Variants in ATP8B3 observed in about 807,000 individuals in gnomAD.
ATP8B3 encodes the protein ATPase phospholipid transporting 8B3, also known as phospholipid-transporting ATPase IK.
In ATP8B3, 141 loss-of-function variants were observed where a neutral mutation model predicts 140.9. The ratio of observed to expected loss-of-function variants is 1.00; its 90% CI spans 0.87 to 1.15. The LOEUF (loss-of-function observed/expected upper bound fraction) is 1.15, where lower values mean the gene tolerates loss of function less well. Among genes scored for constraint, ATP8B3 ranks in the 50% most tolerant of loss-of-function variants. The probability of loss-of-function intolerance (pLI) is 0.00; values close to 1 mark genes in which losing one functional copy is unlikely to be tolerated. For synonymous variants in ATP8B3, 765 were observed against 714.6 expected, an observed-to-expected ratio of 1.07 and a Z score of -1.13; for missense variants, 1,874 against 1,740.6, an observed-to-expected ratio of 1.08 and a Z score of -1.36.
chr19:1,802,408 C>CA, intron 11 of ATP8B3, 79 bp downstream of exon 11: 5 of 256,618 alleles, frequency 1.9e-5, no homozygotes, highest in Admixed American at 5.4e-5. Flanking sequence ...CACCCACCTA[C>CA]CCACCCACCC....
In ATP8B3 at chr19:1,805,972, G is replaced by A. The variant is rs990784998; in HGVS notation, c.751-14C>T. 4 of 1,611,524 alleles carry A rather than the reference G, an allele frequency of 2.5e-6. No homozygotes were observed. Among genetic ancestry groups the A allele is most frequent in the African/African-American group, 1.3e-5 (1 of 74,838 alleles). The stretch of plus-strand genomic sequence containing the variant: ...GAGCATGTCGGCCTGGTGTGGAGTG[G>A]GGGGCAGCGTTGCAAGAGGGGATGC... On this transcript the variant is annotated splice_polypyrimidine_tract_variant and intron_variant, in intron 8 of 28. Coordinates refer to ENST00000310127, the MANE Select transcript of ATP8B3 (RefSeq NM_138813.4). This position sits in a 1 kb window ranked among gnomAD's most constrained non-coding sequence, Gnocchi z 5.2.
chr19:1,783,203 C>G lies in ATP8B3; in HGVS notation c.3728G>C (p.Arg1243Pro). 1 of 1,612,664 alleles carries G rather than the reference C, an allele frequency of 6.2e-7. No individual in the cohort carries two copies. Among genetic ancestry groups the G allele is most frequent in the Non-Finnish European group, 8.5e-7 (1 of 1,179,382 alleles). Residue 1243 changes from arginine to proline, a missense_variant, in exon 29 of 29, where the codon CGG becomes CCG. Arg to Pro is a moderately radical substitution (Grantham distance 103). Transcript: ENST00000310127. ...FTMEPLPHVHRESRARRSSYA... is the reference protein window; with the variant it reads ...FTMEPLPHVHPESRARRSSYA... ...GCTGGAACGGCGGGCACGAGACTCC[C>G]GGTGTACATGAGGCAAGGGCTCCAT...
intron 4 of ATP8B3, among the ~76,000 whole-genome samples, 170 bp downstream of exon 4, chr19:1,809,471 ACT>A (rs1385812369): frequency 2.0e-5 from 3 of 151,056 alleles, no homozygotes; most frequent in Admixed American, 1.3e-4. Context: ...ACAGAGGGAG[ACT>A]CTGTCTCAAA....
chr19:1,793,117 G>A (rs2068566771), intron 18 of ATP8B3, among the ~76,000 whole-genome samples: 1 of 148,790 alleles, frequency 6.7e-6, no homozygotes, highest in South Asian at 2.2e-4. Flanking sequence ...GGGGGATAGG[G>A]TCTCACTTTG....
At chr19:1,797,126 T>C in intron 14 of ATP8B3, 121 bp from the exon 15 acceptor site, 1 of 1,478,774 alleles carries the variant, frequency 6.8e-7, no homozygotes, top group East Asian at 2.4e-5. Flanking sequence ...AAGCCAGGCC[T>C]GTGGCCCTGG....
intron 4 of ATP8B3, 88 bp from the exon 5 acceptor site, chr19:1,808,423 G>T (rs1352710048): frequency 2.9e-5 from 26 of 889,076 alleles, no homozygotes; most frequent in Non-Finnish European, 4.4e-5. Flanking sequence ...GCCTCACTTG[G>T]CCTCGCCCAG....
chr19:1,790,877 T>G, intron 20 of ATP8B3, 45 bp from the exon 21 acceptor site: 1 of 1,290,440 alleles, frequency 7.7e-7, no homozygotes, highest in Middle Eastern at 2.1e-4. Flanking sequence ...CGCCCCGCAC[T>G]GGCTGCCTGG....
At position 1,789,921 on chromosome 19, in the gene ATP8B3, T is replaced by A; in HGVS notation, c.2447A>T (p.Lys816Met). 2 of 1,612,074 alleles carry A rather than the reference T, an allele frequency of 1.2e-6. No individual in the cohort carries two copies. Among genetic ancestry groups the A allele is most frequent in the Non-Finnish European group, 1.7e-6 (2 of 1,179,526 alleles). The change falls in exon 22 of 29, where the codon AAG becomes ATG. Residue 816 changes from lysine to methionine, a missense_variant. Around this residue, in one of 3 missense-constraint regions of ATP8B3, gnomAD observed 840 missense variants for 760.9 expected, o/e 1.10. Coordinates refer to ENST00000310127, the MANE Select transcript of ATP8B3 (RefSeq NM_138813.4). ...LLTRESLSQV[K>M]LALVINGDFL... The stretch of plus-strand genomic sequence containing the variant: ...GTCTCCGTTAATGACCAAGGCCAGC[T>A]TGACCTGCGACAGGGACTCCCTGGT...
intron 20 of ATP8B3, 77 bp downstream of exon 20, chr19:1,791,673 G>A (rs2068514540): frequency 4.4e-6 from 5 of 1,147,166 alleles, no homozygotes; most frequent in Non-Finnish European, 6.4e-6. Context: ...GATGACAGGT[G>A]TGAGCCTTCA....
rs181330695 is a variant in ATP8B3 at position 1,788,511 on chromosome 19, G to A, written c.3069+386C>T. On this transcript the variant is annotated intron_variant, in intron 24 of 28. Coordinates refer to ENST00000310127, the MANE Select transcript of ATP8B3 (RefSeq NM_138813.4). ...CTAAAAATACAAAAATTAGCCAGGC[G>A]TGATGGTACACGCCTGTAATCCCAG... Among the ~76,000 whole-genome samples, 111 of 152,222 alleles carry A rather than the reference G, an allele frequency of 7.3e-4. 3 individuals are homozygous for A. The South Asian group carries it at 0.021, about 29-fold the overall frequency.
In ATP8B3 at chr19:1,789,883, C is replaced by CA; in HGVS notation, c.2478+6dup. 1 of 1,610,906 alleles carries CA rather than the reference C, an allele frequency of 6.2e-7. No homozygotes were observed. Reference sequence around the variant, plus strand: ...GGACCCCGCCGTCCACCCTGAGCGACACTGACCAGGAAGTCTCCGTTAATG... The same window carrying CA: ...GGACCCCGCCGTCCACCCTGAGCGACAACTGACCAGGAAGTCTCCGTTAATG... On this transcript the variant is annotated splice_region_variant and intron_variant, in intron 22 of 28. Coordinates refer to ENST00000310127, the MANE Select transcript of ATP8B3 (RefSeq NM_138813.4).
intron 20 of ATP8B3, 80 bp from the exon 21 acceptor site, chr19:1,790,912 A>C (rs2068488225): frequency 8.0e-7 from 1 of 1,252,880 alleles, no homozygotes. Flanking sequence ...CTGCCCGGTG[A>C]ATCCTGGCCC....
At chr19:1,799,461 G>A (rs1447523243) in intron 14 of ATP8B3, 14 of 202,402 alleles carry the variant, frequency 6.9e-5, no homozygotes, top group African/African-American at 2.3e-4. Context: ...CTCCGTCTCA[G>A]AGAGAAAAAA....
In ATP8B3 at chr19:1,796,771, AG is replaced by A. The variant is rs1372083814; in HGVS notation, c.1692del (p.Trp565GlyfsTer10). 1 of 1,612,414 alleles carries A rather than the reference AG, an allele frequency of 6.2e-7. No individual in the cohort carries two copies. Among genetic ancestry groups the A allele is most frequent in the African/African-American group, 1.3e-5 (1 of 75,048 alleles). On this transcript the variant is annotated frameshift_variant, in exon 16 of 29. Coordinates refer to ENST00000310127, the MANE Select transcript of ATP8B3 (RefSeq NM_138813.4). LOFTEE classifies it high-confidence loss of function. ...RTNGDEAVRE[F>X]WRLLAICHTV... is the part of the protein sequence containing the mutation. ...GTGTGGCAGATGGCCAGCAGGCGCCAGAACTCCCGCACGGCCTCGTCCCCGT... is the reference window on the plus strand; with the variant it reads ...GTGTGGCAGATGGCCAGCAGGCGCCAAACTCCCGCACGGCCTCGTCCCCGT...
rs994743910 is a variant in ATP8B3 at position 1,794,028 on chromosome 19, G to A, written c.2055+1847C>T. On this transcript the variant is annotated intron_variant, in intron 18 of 28. Transcript: ENST00000310127. This position sits in a 1 kb window ranked among gnomAD's most constrained non-coding sequence, Gnocchi z 4.8. ...TGGGATTACAGGCGTGAGCCATCGC[G>A]CCAGCCTGTTTATTAAGAGACAGGG... is the stretch of plus-strand genomic sequence containing the variant. Among the ~76,000 whole-genome samples the A allele has an allele frequency of 4.7e-5, 7 of 150,080 alleles. No individual in the cohort carries two copies. The highest frequency in any genetic ancestry group is 2.0e-4 in the East Asian group (1 of 4,972).
rs923595841 is a variant in ATP8B3 at position 1,806,534 on chromosome 19, C to G, written c.677+94G>C. On this transcript the variant is annotated intron_variant, in intron 7 of 28. Transcript: ENST00000310127. This position sits in a 1 kb window ranked among gnomAD's most constrained non-coding sequence, Gnocchi z 5.6. Reference sequence around the variant, plus strand: ...CTCAACCAGCCGGGAGATCAGGGAGCACGGAAGGTGATGGACACTTGCCGA... The same window carrying G: ...CTCAACCAGCCGGGAGATCAGGGAGGACGGAAGGTGATGGACACTTGCCGA... 2.4e-5 allele frequency: 36 copies of G among 1,527,792 alleles called. No homozygotes were observed. The African/African-American group carries it at 4.1e-4, about 17-fold the overall frequency. 94.6% of individuals were successfully genotyped at this position (1,527,792 alleles called of 1,614,324 possible).
At chr19:1,793,480 C>A (rs1037147419) in intron 18 of ATP8B3, among the ~76,000 whole-genome samples, 2 of 152,190 alleles carry the variant, frequency 1.3e-5, no homozygotes, top group African/African-American at 4.8e-5. Context: ...GGGGCTCCCC[C>A]AGTCCCAGGC....
intron 23 of ATP8B3, 48 bp from the exon 24 acceptor site, chr19:1,789,168 G>A: frequency 2.3e-6 from 3 of 1,303,244 alleles, no homozygotes; most frequent in Non-Finnish European, 3.0e-6. Flanking sequence ...CCCCAGTCCC[G>A]CCCGCCCCCC....
chr19:1,807,005 A>C lies in ATP8B3; in HGVS notation c.615+163T>G, dbSNP rs1457366469. The stretch of plus-strand genomic sequence containing the variant: ...GCGGCACCTGCCCAATGTGGGTGCT[A>C]GCAGATAAGGACAATGTAGCCCCAG... On this transcript the variant is annotated intron_variant, in intron 6 of 28. Transcript: ENST00000310127. This position sits in a 1 kb window ranked among gnomAD's most constrained non-coding sequence, Gnocchi z 5.9. 1.3e-5 allele frequency among the ~76,000 whole-genome samples: 2 copies of C among 152,096 alleles called. No individual in the cohort carries two copies. Among genetic ancestry groups the C allele is most frequent in the East Asian group, 3.9e-4 (2 of 5,180 alleles).
Sources: gnomAD v4.1 joint callset for allele counts (sites outside exome capture counted in the v4.1 genomes callset) on GRCh38, gnomAD v4.1.1 for gene constraint, gnomAD v4.1.1 regional missense constraint, Gnocchi (gnomAD v3.1) non-coding constraint, MANE v1.5 for transcripts, NCBI Gene and HGNC (gene_info 2026-07-23, HGNC 2026-07-21) for gene names.